Variants in VSNL1 observed in about 807,000 individuals in gnomAD.
VSNL1 encodes the protein visinin like 1, also known as visinin-like protein 1.
VSNL1 carries 6 observed loss-of-function variants against 20.4 expected under a neutral mutation model. The ratio of observed to expected loss-of-function variants is 0.29; its 90% CI spans 0.16 to 0.58. The LOEUF (loss-of-function observed/expected upper bound fraction) is 0.58, where lower values mean the gene tolerates loss of function less well. Among genes scored for constraint, VSNL1 ranks in the 20% least tolerant of loss-of-function variants. The probability of loss-of-function intolerance (pLI) is 0.90; values close to 1 mark genes in which losing one functional copy is unlikely to be tolerated. For missense variants in VSNL1, 100 were observed against 234.5 expected (o/e 0.43, Z 3.75); for synonymous variants, 93 against 86.4 (o/e 1.08, Z -0.42).
At chr2:17,545,294 A>T (rs1015320031) in intron 1 of VSNL1, among the ~76,000 whole-genome samples, 2 of 152,142 alleles carry the variant, frequency 1.3e-5, no homozygotes, top group Non-Finnish European at 2.9e-5. Context: ...TACTTGAATG[A>T]CAGAGAGAGA....
chr2:17,627,164 G>C (rs1159987192), intron 2 of VSNL1, among the ~76,000 whole-genome samples: 3 of 152,182 alleles, frequency 2.0e-5, no homozygotes, highest in African/African-American at 7.2e-5. Flanking sequence ...GGGCCCTGGA[G>C]GAGGTAAGAT....
chr2:17,545,423 T>A (rs186926450), intron 1 of VSNL1, among the ~76,000 whole-genome samples: 1 of 152,156 alleles, frequency 6.6e-6, no homozygotes, highest in African/African-American at 2.4e-5. Context: ...TGTCTCTTAA[T>A]AAGTAAAAAG....
At chr2:17,572,045 C>T (rs78323082) in intron 1 of VSNL1, among the ~76,000 whole-genome samples, 5,026 of 152,210 alleles carry the variant, frequency 0.033, 87 homozygotes, top group East Asian at 0.097. Context: ...AGAGATAAAG[C>T]TGGAGAGGTA....
At chr2:17,563,491 A>C (rs900198218) in intron 1 of VSNL1, among the ~76,000 whole-genome samples, 4 of 152,184 alleles carry the variant, frequency 2.6e-5, no homozygotes, top group Admixed American at 2.6e-4. Flanking sequence ...AGCTCTTCAG[A>C]TATTAAGTAA....
chr2:17,587,452 A>G (rs1183903205), intron 1 of VSNL1, among the ~76,000 whole-genome samples: 1 of 151,904 alleles, frequency 6.6e-6, no homozygotes, highest in Non-Finnish European at 1.5e-5. Flanking sequence ...AAAGATGCTC[A>G]TGGGTGCTTC....
At chr2:17,577,959 A>T (rs1231006526) in intron 1 of VSNL1, among the ~76,000 whole-genome samples, 1 of 152,150 alleles carries the variant, frequency 6.6e-6, no homozygotes, top group East Asian at 1.9e-4. Context: ...CATTCACCTC[A>T]ACTGTAATAT....
intron 2 of VSNL1, among the ~76,000 whole-genome samples, chr2:17,607,073 G>C (rs1272185735): frequency 1.3e-5 from 2 of 152,152 alleles, no homozygotes; most frequent in Non-Finnish European, 2.9e-5. Context: ...AACAGGACCT[G>C]GGCCACATGC....
intron 1 of VSNL1, among the ~76,000 whole-genome samples, chr2:17,581,173 G>C (rs541007215): frequency 1.8e-4 from 27 of 152,212 alleles, no homozygotes; most frequent in African/African-American, 6.3e-4. Context: ...GTATTCCTCA[G>C]ATCATGGTTC....
intron 2 of VSNL1, among the ~76,000 whole-genome samples, chr2:17,619,151 ACCACC>A (rs1270685699): frequency 1.6e-4 from 24 of 152,326 alleles, no homozygotes; most frequent in African/African-American, 5.5e-4. Context: ...TACAGAGGAT[ACCACC>A]AGTGCCCAAA....
intron 1 of VSNL1, among the ~76,000 whole-genome samples, chr2:17,550,929 G>A (rs1228894353): frequency 2.0e-5 from 3 of 152,204 alleles, no homozygotes; most frequent in East Asian, 1.9e-4. Flanking sequence ...GCCAACTCTC[G>A]CATAAAACTG....
intron 1 of VSNL1, among the ~76,000 whole-genome samples, chr2:17,573,163 G>A (rs907229461): frequency 2.6e-5 from 4 of 152,118 alleles, no homozygotes; most frequent in African/African-American, 9.7e-5. Flanking sequence ...TGCTGACAGA[G>A]GCCTGATAAA....
At chr2:17,653,801 G>C (rs1666169832) in intron 3 of VSNL1, among the ~76,000 whole-genome samples, 1 of 152,162 alleles carries the variant, frequency 6.6e-6, no homozygotes, top group African/African-American at 2.4e-5. Context: ...TTTTTACTAA[G>C]TGTACAGAGA....
At chr2:17,577,488 A>G (rs1332335070) in intron 1 of VSNL1, among the ~76,000 whole-genome samples, 2 of 152,080 alleles carry the variant, frequency 1.3e-5, no homozygotes, top group Non-Finnish European at 2.9e-5. Context: ...AGCTGGATCT[A>G]TTTCTAGACT....
intron 2 of VSNL1, among the ~76,000 whole-genome samples, chr2:17,604,328 A>G (rs1309625181): frequency 6.6e-6 from 1 of 152,242 alleles, no homozygotes; most frequent in Non-Finnish European, 1.5e-5. Flanking sequence ...GCTCAGGGGC[A>G]TGTTGGGATT....
Position 17,649,737 on chromosome 2 carries a change from T to G in VSNL1, c.378+112T>G. 1.0e-6 allele frequency: 1 copy of G among 993,648 alleles called. No individual in the cohort carries two copies. Among genetic ancestry groups the G allele is most frequent in the East Asian group, 2.6e-5 (1 of 39,036 alleles). 61.6% of individuals were successfully genotyped at this position (993,648 alleles called of 1,614,324 possible). A position where few individuals can be genotyped will look rare whatever the true frequency, so the allele number is the denominator to read the frequency against. ...CTCTCTCTGCTCGAGCCCTGCCAGC[T>G]GCACACCACGCCTGGACTTCTCCTG... On this transcript the variant is annotated intron_variant, in intron 3 of 3. Transcript: ENST00000295156. The surrounding 1 kb of genome is among the most constrained non-coding windows in gnomAD (Gnocchi z 6.4).
intron 1 of VSNL1, among the ~76,000 whole-genome samples, chr2:17,579,432 C>T (rs562174549): frequency 6.6e-6 from 1 of 152,272 alleles, no homozygotes; most frequent in South Asian, 2.1e-4. Context: ...CCACTTCTTT[C>T]TATATAGTCT....
chr2:17,619,805 T>G (rs1459051420), intron 2 of VSNL1, among the ~76,000 whole-genome samples: 1 of 151,980 alleles, frequency 6.6e-6, no homozygotes, highest in Non-Finnish European at 1.5e-5. Flanking sequence ...GGGCATATAC[T>G]ATGATCAGGA....
intron 2 of VSNL1, among the ~76,000 whole-genome samples, chr2:17,601,401 C>G (rs1558295907): frequency 6.6e-6 from 1 of 152,060 alleles, no homozygotes; most frequent in Admixed American, 6.6e-5. Context: ...TTTGGGAGGC[C>G]TAGGTGGGTG....
intron 1 of VSNL1, among the ~76,000 whole-genome samples, chr2:17,553,059 A>AG (rs147371723): frequency 0.011 from 1,604 of 152,196 alleles, 18 homozygotes; most frequent in Non-Finnish European, 0.016. Flanking sequence ...AAAGAGGGGG[A>AG]GGGGGAAAGA....
Sources: allele counts gnomAD v4.1 joint callset (sites outside exome capture counted in the v4.1 genomes callset), GRCh38; gene constraint gnomAD v4.1.1; non-coding constraint Gnocchi (gnomAD v3.1); transcripts MANE v1.5; gene names NCBI Gene and HGNC (gene_info 2026-07-23, HGNC 2026-07-21).